Variants in ROCK1 observed in about 807,000 individuals in gnomAD.
The protein encoded by ROCK1 is Rho associated coiled-coil containing protein kinase 1, also known as rho-associated protein kinase 1.
Under a neutral mutation model 196.8 loss-of-function variants are expected in ROCK1, and 36 were observed. That is an observed-to-expected ratio of 0.18 (90% confidence interval 0.14 to 0.24). ROCK1 has a LOEUF of 0.24. Ranked by LOEUF, ROCK1 falls within the 10% of genes least tolerant of loss-of-function variation. The pLI, the probability that ROCK1 is intolerant of heterozygous loss-of-function variation, is 1.00. For synonymous variants in ROCK1, 443 were observed against 515.9 expected (o/e 0.86, Z 1.91); for missense variants, 920 against 1,562.0 (o/e 0.59, Z 6.93).
intron 21 of ROCK1, among the ~76,000 whole-genome samples, chr18:20,981,338 G>A (rs2035531401): frequency 6.6e-6 from 1 of 151,996 alleles, no homozygotes; most frequent in Admixed American, 6.5e-5. Context: ...AGCTTGCAGT[G>A]AGCCAAGATC....
chr18:21,015,179 G>A (rs17202347), intron 13 of ROCK1, among the ~76,000 whole-genome samples: 11,252 of 151,844 alleles, frequency 0.074, 601 homozygotes, highest in Admixed American at 0.15. Flanking sequence ...TTCAACCATC[G>A]AGAACCACTG....
chr18:20,954,023 T>A (rs972686134), intron 31 of ROCK1, among the ~76,000 whole-genome samples: 3 of 151,758 alleles, frequency 2.0e-5, no homozygotes, highest in Non-Finnish European at 4.4e-5. Context: ...ATAAATGTAT[T>A]TAAAGAACAT....
chr18:21,070,191 C>T (rs1157851686), intron 2 of ROCK1, among the ~76,000 whole-genome samples: 6 of 151,992 alleles, frequency 3.9e-5, no homozygotes, highest in South Asian at 2.1e-4. Context: ...AAGGAGCCTT[C>T]GGAAAAGAAT....
intron 1 of ROCK1, among the ~76,000 whole-genome samples, chr18:21,101,757 T>C (rs1387436119): frequency 3.9e-5 from 6 of 152,066 alleles, no homozygotes; most frequent in South Asian, 2.1e-4. Context: ...AACTGTAAAA[T>C]AGACACTGTT....
At chr18:20,986,851 A>T in intron 19 of ROCK1, 99 bp downstream of exon 19, 78 of 993,416 alleles carry the variant, frequency 7.9e-5, no homozygotes, top group Middle Eastern at 6.8e-4. Flanking sequence ...TTTCATTCAA[A>T]TCTCCTTCAT....
intron 10 of ROCK1, among the ~76,000 whole-genome samples, chr18:21,024,330 T>G: frequency 6.6e-6 from 1 of 152,082 alleles, no homozygotes; most frequent in Middle Eastern, 3.4e-3. Context: ...AGTGAACTAA[T>G]TTAGAGGTCT....
chr18:21,100,717 G>A (rs1276957662), intron 1 of ROCK1, among the ~76,000 whole-genome samples: 3 of 152,234 alleles, frequency 2.0e-5, no homozygotes, highest in South Asian at 4.1e-4. Context: ...ATCTCAGAAG[G>A]AGACTGCATG....
At chr18:21,030,167 A>G (rs1158324153) in intron 9 of ROCK1, among the ~76,000 whole-genome samples, 4 of 152,176 alleles carry the variant, frequency 2.6e-5, no homozygotes, top group Non-Finnish European at 5.9e-5. Flanking sequence ...GCTTTCTAAT[A>G]TTTGTAAAAT....
intron 1 of ROCK1, among the ~76,000 whole-genome samples, chr18:21,089,736 C>G (rs1568407126): frequency 6.6e-6 from 1 of 152,138 alleles, no homozygotes; most frequent in Non-Finnish European, 1.5e-5. Flanking sequence ...TATTTTATAA[C>G]AAAGTGTCAA....
intron 13 of ROCK1, among the ~76,000 whole-genome samples, chr18:21,009,573 A>G (rs201525401): frequency 0.015 from 2,222 of 152,256 alleles, 122 homozygotes; most frequent in Admixed American, 0.1. Context: ...CATGCCCAAG[A>G]ATACAATTGC....
intron 21 of ROCK1, among the ~76,000 whole-genome samples, chr18:20,982,114 G>A (rs2035538390): frequency 6.6e-6 from 1 of 152,178 alleles, no homozygotes; most frequent in South Asian, 2.1e-4. Context: ...AACATTTGGA[G>A]GCACTGGATG....
intron 1 of ROCK1, among the ~76,000 whole-genome samples, chr18:21,076,945 C>T (rs1233415599): frequency 6.6e-6 from 1 of 150,922 alleles, no homozygotes; most frequent in Non-Finnish European, 1.5e-5. Flanking sequence ...CACCCCCTGC[C>T]AGAGAAAAGG....
intron 10 of ROCK1, among the ~76,000 whole-genome samples, chr18:21,024,096 G>A (rs552557579): frequency 2.3e-4 from 35 of 152,258 alleles, no homozygotes; most frequent in African/African-American, 8.4e-4. Flanking sequence ...TTGGGGGTAA[G>A]AAACTGCTGA....
At chr18:21,074,533 T>C (rs1201717458) in intron 1 of ROCK1, among the ~76,000 whole-genome samples, 1 of 152,192 alleles carries the variant, frequency 6.6e-6, no homozygotes, top group Non-Finnish European at 1.5e-5. Flanking sequence ...ATGGGGCCTT[T>C]GCACCTGCTC....
At chr18:21,035,858 C>T (rs1467405404) in intron 9 of ROCK1, among the ~76,000 whole-genome samples, 3 of 152,126 alleles carry the variant, frequency 2.0e-5, no homozygotes, top group African/African-American at 7.2e-5. Flanking sequence ...AAACGAAACA[C>T]CCTGAGTAGT....
At chr18:20,989,712 A>C (rs2035607102) in intron 18 of ROCK1, among the ~76,000 whole-genome samples, 1 of 152,162 alleles carries the variant, frequency 6.6e-6, no homozygotes, top group Admixed American at 6.5e-5. Context: ...AAAGAAGTTA[A>C]GATGAGATGA....
intron 13 of ROCK1, among the ~76,000 whole-genome samples, chr18:21,011,069 T>C (rs2035812844): frequency 6.6e-6 from 1 of 152,208 alleles, no homozygotes; most frequent in East Asian, 1.9e-4. Context: ...ATTGTTATAT[T>C]TGAAGAGTTT....
chr18:20,959,070 TA>T (rs2035288233), intron 29 of ROCK1, among the ~76,000 whole-genome samples: 2 of 40,214 alleles, frequency 5.0e-5, no homozygotes, highest in African/African-American at 2.0e-4. Context: ...TATTTTATAT[TA>T]TATAATATAT....
intron 18 of ROCK1, among the ~76,000 whole-genome samples, chr18:20,990,550 C>T (rs1442837031): frequency 1.3e-5 from 2 of 151,008 alleles, no homozygotes; most frequent in South Asian, 2.1e-4. Flanking sequence ...AAAAATTAGC[C>T]GGGCATGGTG....
Sources: gnomAD v4.1 joint callset for allele counts (sites outside exome capture counted in the v4.1 genomes callset) on GRCh38, gnomAD v4.1.1 for gene constraint, MANE v1.5 for transcripts, NCBI Gene and HGNC (gene_info 2026-07-23, HGNC 2026-07-21) for gene names.